Variants in KRT27 observed in about 807,000 individuals in gnomAD.
KRT27 encodes the protein keratin, type I cytoskeletal 27.
Under a neutral mutation model 45.3 loss-of-function variants are expected in KRT27, and 30 were observed. The ratio of observed to expected loss-of-function variants is 0.66; its 90% confidence interval spans 0.50 to 0.90. The LOEUF is 0.90. KRT27 is among the 40% of genes least tolerant of loss of function. The pLI, the probability that KRT27 is intolerant of heterozygous loss-of-function variation, is 0.00. For synonymous variants in KRT27, 204 were observed against 223.9 expected (o/e 0.91, Z 0.79); for missense variants, 610 against 564.3 (o/e 1.08, Z -0.82).
In KRT27 at chr17:40,780,391, A is replaced by C; in HGVS notation, c.593T>G (p.Leu198Arg). ...EADINGLRRV[L>R]DELTLCRTDL... ...CGTTCTGCACAAGGTCAGCTCATCC[A>C]GGACTCTTCGCAAACCATTGATGTC... Residue 198 changes from leucine (L) to arginine (R), a missense_variant, in exon 3 of 8, where the codon CTG (leucine) becomes CGG (arginine). Coordinates refer to ENST00000301656, the MANE Select transcript of KRT27 (RefSeq NM_181537.4). 6.2e-7 allele frequency: 1 copy of C among 1,613,902 alleles called. No homozygotes were observed. Among genetic ancestry groups the C allele is most frequent in the East Asian group, 2.2e-5 (1 of 44,874 alleles).
At chr17:40,777,209 CACAT>C in intron 7 of KRT27, 40 bp downstream of exon 7, 1 of 1,610,646 alleles carries the variant, frequency 6.2e-7, no homozygotes. Flanking sequence ...TCATTTGAAA[CACAT>C]ACAAATAAAC....
In KRT27 at chr17:40,777,007, A is replaced by T; in HGVS notation, c.1372T>A (p.Ser458Thr). The change falls in exon 8 of 8, where the codon TCT (serine) becomes ACT (threonine). Residue 458 changes from serine to threonine, a missense_variant. By Grantham distance (58) the Ser-to-Thr change is moderately conservative. Transcript: ENST00000301656. ...KVNNKNEQRV[S>T]S ...GTCTCAGAGGCTGGAGTTCAGGAAGACACCCTCTGTTCATTCTTGTTGTTG... is the reference window on the plus strand; with the variant it reads ...GTCTCAGAGGCTGGAGTTCAGGAAGTCACCCTCTGTTCATTCTTGTTGTTG... The T allele has an allele frequency of 1.9e-6, 3 of 1,608,802 alleles. No homozygotes were observed. Among genetic ancestry groups the T allele is most frequent in the Non-Finnish European group, 2.6e-6 (3 of 1,175,906 alleles).
Position 40,782,250 on chromosome 17 carries a change from C to T in KRT27, c.244G>A (p.Gly82Ser). Residue 82 changes from glycine (G) to serine (S), a missense_variant, in exon 1 of 8, where the codon GGC becomes AGC. Gly to Ser is a moderately conservative substitution (Grantham distance 56). Coordinates refer to ENST00000301656, the MANE Select transcript of KRT27 (RefSeq NM_181537.4). The stretch of plus-strand genomic sequence containing the variant: ...TTCTGCATGGTCACCTTCTCATTGC[C>T]AGAGAGGAGGCCGTGCTCATTCCCT... ...FTGNEHGLLS[G>S]NEKVTMQNLN... is the part of the protein sequence containing the mutation. The T allele has an allele frequency of 6.2e-7, 1 of 1,614,224 alleles. No individual in the cohort carries two copies. The highest frequency in any genetic ancestry group is 8.5e-7 in the Non-Finnish European group (1 of 1,180,038).
intron 3 of KRT27, 54 bp downstream of exon 3, chr17:40,780,246 T>A (rs2038298826): frequency 2.0e-6 from 3 of 1,519,976 alleles, no homozygotes; most frequent in South Asian, 1.3e-5. Context: ...CTGAAATTAG[T>A]TTTAAAATTT....
intron 1 of KRT27, among the ~76,000 whole-genome samples, 190 bp from the exon 2 acceptor site, chr17:40,781,460 C>T (rs917085336): frequency 4.6e-5 from 7 of 152,216 alleles, no homozygotes; most frequent in African/African-American, 1.4e-4. Context: ...GACCGAGTCT[C>T]GCTCTGTTGC....
chr17:40,782,529 A>C lies in KRT27; in HGVS notation c.-36T>G. 6.8e-7 allele frequency: 1 copy of C among 1,474,330 alleles called. No individual in the cohort carries two copies. The allele number at this position is 1,474,330 out of a possible 1,614,324, so 91.3% of individuals were successfully genotyped here. ...GGCTGGAGCCTTTGTTTCTGCGGTG[A>C]TGCTCTGATGGTGAACGGCCTACTC... On this transcript the variant is annotated 5_prime_UTR_variant, in exon 1 of 8. Transcript: ENST00000301656.
intron 2 of KRT27, among the ~76,000 whole-genome samples, 154 bp from the exon 3 acceptor site, chr17:40,780,610 C>T (rs2429543): frequency 0.16 from 23,667 of 152,122 alleles, 1,977 homozygotes; most frequent in African/African-American, 0.19. Context: ...CCTGTAATCC[C>T]AGCACTTTGG....
At chr17:40,779,655 G>A (rs751039945) in intron 4 of KRT27, 28 bp from the exon 5 acceptor site, 2 of 1,613,678 alleles carry the variant, frequency 1.2e-6, no homozygotes, top group Admixed American at 3.3e-5. Flanking sequence ...GCGTTAGGGC[G>A]CTGGGGCTGA....
At position 40,777,654 on chromosome 17, in the gene KRT27, C is replaced by G. The variant is rs777503576; in HGVS notation, c.1051G>C (p.Gly351Arg). ...AQLAQIQAQI[G>R]ALEEQLHQVR... ...TGGTGCAGCTGCTCCTCCAGGGCCC[C>G]GATCTGAGCCTGGATCTGTGCCAGC... is the stretch of plus-strand genomic sequence containing the variant. The change falls in exon 6 of 8, where the codon GGG (glycine) becomes CGG (arginine). Residue 351 changes from glycine to arginine, a missense_variant. Coordinates refer to ENST00000301656, the MANE Select transcript of KRT27 (RefSeq NM_181537.4). 3 of 1,613,986 alleles carry G rather than the reference C, an allele frequency of 1.9e-6. No homozygotes were observed. The highest frequency in any genetic ancestry group is 2.5e-6 in the Non-Finnish European group (3 of 1,179,982).
Position 40,782,256 on chromosome 17 carries a change from G to C in KRT27, c.238C>G (p.Leu80Val). Residue 80 changes from leucine to valine, a missense_variant, in exon 1 of 8, where the codon CTC becomes GTC. Transcript: ENST00000301656. ...AAFTGNEHGL[L>V]SGNEKVTMQN... ...ATGGTCACCTTCTCATTGCCAGAGA[G>C]GAGGCCGTGCTCATTCCCTGTGAAG... The C allele has an allele frequency of 1.2e-6, 2 of 1,614,218 alleles. No homozygotes were observed. Among genetic ancestry groups the C allele is most frequent in the African/African-American group, 2.7e-5 (2 of 75,058 alleles).
chr17:40,781,214 T>C lies in KRT27; in HGVS notation c.501A>G (p.Arg167=). The C allele has an allele frequency of 6.2e-7, 1 of 1,611,554 alleles. No individual in the cohort carries two copies. The highest frequency in any genetic ancestry group is 8.5e-7 in the Non-Finnish European group (1 of 1,178,510). The part of the protein sequence containing the change: ...AHVVLQNDNA[R]LTADDFRLKF... ...TTAGTCTGAAGTCATCAGCTGTTAGTCTTGCATTATCATTTTGCAGGACAA... is the reference window on the plus strand; with the variant it reads ...TTAGTCTGAAGTCATCAGCTGTTAGCCTTGCATTATCATTTTGCAGGACAA... Residue 167 remains arginine, a synonymous_variant, in exon 2 of 8, where the codon AGA becomes AGG. Coordinates refer to ENST00000301656, the MANE Select transcript of KRT27 (RefSeq NM_181537.4).
At chr17:40,781,348 T>C in intron 1 of KRT27, 78 bp from the exon 2 acceptor site, 2 of 815,358 alleles carry the variant, frequency 2.5e-6, no homozygotes, top group Non-Finnish European at 2.0e-6. Context: ...AAATTACCCA[T>C]GAAATTATAG....
At chr17:40,777,232 C>A (rs2038273641) in intron 7 of KRT27, 21 bp downstream of exon 7, 1 of 1,613,218 alleles carries the variant, frequency 6.2e-7, no homozygotes, top group African/African-American at 1.3e-5. Context: ...ACACTGAATG[C>A]CTAACACAGC....
rs2038301860 is a variant in KRT27 at position 40,780,408 on chromosome 17, A to G, written c.576T>C (p.Asn192=). 6.2e-7 allele frequency: 1 copy of G among 1,613,878 alleles called. No homozygotes were observed. The highest frequency in any genetic ancestry group is 8.5e-7 in the Non-Finnish European group (1 of 1,179,940). The change falls in exon 3 of 8, where the codon AAT becomes AAC. Residue 192 remains asparagine, a synonymous_variant. Coordinates refer to ENST00000301656, the MANE Select transcript of KRT27 (RefSeq NM_181537.4). ...ALHQSVEADI[N]GLRRVLDELT... ...GCTCATCCAGGACTCTTCGCAAACCATTGATGTCCGCCTCCACGCTCTGGT... is the reference window on the plus strand; with the variant it reads ...GCTCATCCAGGACTCTTCGCAAACCGTTGATGTCCGCCTCCACGCTCTGGT...
chr17:40,776,849 G>T lies in KRT27; in HGVS notation c.*150C>A. ...GAACTTTTATTGAAACACCACCATA[G>T]AGAAAAAGCCAAAGAAATGGTACTA... is the stretch of plus-strand genomic sequence containing the variant. On this transcript the variant is annotated 3_prime_UTR_variant, in exon 8 of 8. Transcript: ENST00000301656. 1.5e-6 allele frequency: 1 copy of T among 648,822 alleles called. No homozygotes were observed. Among genetic ancestry groups the T allele is most frequent in the South Asian group, 2.9e-5 (1 of 34,132 alleles). 40.2% of individuals were successfully genotyped at this position (648,822 alleles called of 1,614,324 possible). A position where few individuals can be genotyped will look rare whatever the true frequency, so the allele number is the denominator to read the frequency against.
In KRT27 at chr17:40,781,303, A is replaced by G. The variant is rs768613576; in HGVS notation, c.445-33T>C. On this transcript the variant is annotated intron_variant, in intron 1 of 7. Coordinates refer to ENST00000301656, the MANE Select transcript of KRT27 (RefSeq NM_181537.4). ...ATGAAAAGTTAGTTAAGATTGAGGA[A>G]ATATTTAAGATGCATTTCAAAGTTC... is the stretch of plus-strand genomic sequence containing the variant. 3 of 1,250,996 alleles carry G rather than the reference A, an allele frequency of 2.4e-6. No individual in the cohort carries two copies. The South Asian group carries it at 3.8e-5, about 16-fold the overall frequency. 77.5% of individuals were successfully genotyped at this position (1,250,996 alleles called of 1,614,324 possible).
At position 40,781,279 on chromosome 17, in the gene KRT27, T is replaced by C. The variant is rs745671947; in HGVS notation, c.445-9A>G. ...GTAGTTGCAGAAATTATCTGACAAA[T>C]GAAAAGTTAGTTAAGATTGAGGAAA... On this transcript the variant is annotated splice_polypyrimidine_tract_variant and intron_variant, in intron 1 of 7. Coordinates refer to ENST00000301656, the MANE Select transcript of KRT27 (RefSeq NM_181537.4). 2 of 1,557,804 alleles carry C rather than the reference T, an allele frequency of 1.3e-6. No homozygotes were observed. Among genetic ancestry groups the C allele is most frequent in the South Asian group, 1.1e-5 (1 of 87,638 alleles).
At chr17:40,779,358 T>C in intron 5 of KRT27, 144 bp downstream of exon 5, 1 of 991,068 alleles carries the variant, frequency 1.0e-6, no homozygotes, top group Non-Finnish European at 1.4e-6. Flanking sequence ...AGGATTGTCA[T>C]GTGCAAAATG....
Position 40,782,041 on chromosome 17 carries a change from G to T in KRT27, c.444+9C>A. The T allele has an allele frequency of 1.9e-6, 3 of 1,604,536 alleles. No homozygotes were observed. The highest frequency in any genetic ancestry group is 2.5e-6 in the Non-Finnish European group (3 of 1,178,548). On this transcript the variant is annotated intron_variant, in intron 1 of 7. Coordinates refer to ENST00000301656, the MANE Select transcript of KRT27 (RefSeq NM_181537.4). ...GGAGTGCTAACACTCACGCCATGGC[G>T]TTTCTTACCTGGTTCTTAAGTTCGT...
Sources: allele counts gnomAD v4.1 joint callset (sites outside exome capture counted in the v4.1 genomes callset), GRCh38; gene constraint gnomAD v4.1.1; transcripts MANE v1.5; gene names NCBI Gene and HGNC (gene_info 2026-07-23, HGNC 2026-07-21).